IYD: variants seen among roughly 807,000 people sequenced by gnomAD.
IYD encodes the protein iodotyrosine deiodinase 1.
Under a neutral mutation model 28.4 loss-of-function variants are expected in IYD, and 25 were observed. That is an observed-to-expected ratio of 0.88 (90% CI 0.64 to 1.23). IYD has a LOEUF of 1.23. IYD is among the 50% of genes most tolerant of loss of function. IYD has a pLI of 0.00. For missense variants in IYD, 352 were observed against 357.9 expected, an observed-to-expected ratio of 0.98 and a Z score of 0.13; for synonymous variants, 140 against 130.8, an observed-to-expected ratio of 1.07 and a Z score of -0.48.
At chr6:150,390,747 G>A (rs1474238266) in intron 2 of IYD, among the ~76,000 whole-genome samples, 1 of 152,162 alleles carries the variant, frequency 6.6e-6, no homozygotes, top group Non-Finnish European at 1.5e-5. Flanking sequence ...AGGGTTGAGG[G>A]ACGACACCCA....
rs193056126 is a variant in IYD, at chr6:150,377,593, C to G, written c.178+8384C>G. Among the ~76,000 whole-genome samples, 12 of 152,320 alleles carry G rather than the reference C, an allele frequency of 7.9e-5. No homozygotes were observed. In the East Asian group the frequency reaches 1.2e-3, roughly 15 times the overall value. On this transcript the variant is annotated intron_variant, in intron 1 of 4. Coordinates refer to ENST00000344419, the MANE Select transcript of IYD (RefSeq NM_203395.3). ...ATGGTTAGCACTGATAATGAGGTAA[C>G]AGTTTGCTTCCTTCTGCTAATTAGG...
At chr6:150,375,252 T>C (rs1777403992) in intron 1 of IYD, among the ~76,000 whole-genome samples, 2 of 152,196 alleles carry the variant, frequency 1.3e-5, no homozygotes, top group South Asian at 4.2e-4. Flanking sequence ...CCTGAGGAGT[T>C]TGGAGCTAGG....
intron 4 of IYD, chr6:150,395,274 G>A (rs914280485): frequency 4.3e-6 from 3 of 694,246 alleles, no homozygotes; most frequent in African/African-American, 1.8e-5. Context: ...ATAAGAGCAA[G>A]TAACCATACT....
intron 1 of IYD, among the ~76,000 whole-genome samples, chr6:150,388,744 C>T (rs1224582652): frequency 6.8e-6 from 1 of 148,138 alleles, no homozygotes; most frequent in Non-Finnish European, 1.5e-5. Context: ...CTCTGTCACC[C>T]AGGCTGGAGT....
rs1008982191 is a variant in IYD at position 150,404,049 on chromosome 6, C to G, written c.*5812C>G. On this transcript the variant is annotated 3_prime_UTR_variant, in exon 5 of 5. Coordinates refer to ENST00000344419, the MANE Select transcript of IYD (RefSeq NM_203395.3). ...TGGGAGCCTCCTGTTCCCATAGTAA[C>G]CACAGCACTCAGGGCACTGTCTCCC... 1 of 152,214 alleles carries G rather than the reference C, an allele frequency of 6.6e-6. No homozygotes were observed. Among genetic ancestry groups the G allele is most frequent in the Non-Finnish European group, 1.5e-5 (1 of 68,038 alleles). The allele number at this position is 152,214 out of a possible 1,614,324, so 9.4% of individuals were successfully genotyped here.
rs60286185 is a variant in IYD, at chr6:150,398,606, C to T, written c.*369C>T. On this transcript the variant is annotated 3_prime_UTR_variant, in exon 5 of 5. Coordinates refer to ENST00000344419, the MANE Select transcript of IYD (RefSeq NM_203395.3). ...CCAAGAATTCAGCTACATGATGACT[C>T]GAATTTAAATTTAGATTAATCAAAT... 0.16 allele frequency: 29,002 copies of T among 180,304 alleles called. 2,547 individuals are homozygous for T. The highest frequency in any genetic ancestry group is 0.22 in the East Asian group (1,481 of 6,692). The allele number at this position is 180,304 out of a possible 1,614,324, so 11.2% of individuals were successfully genotyped here.
chr6:150,396,398 T>C, intron 4 of IYD: 1 of 642,934 alleles, frequency 1.6e-6, no homozygotes, highest in Non-Finnish European at 2.7e-6. Flanking sequence ...AAAGATAAAA[T>C]AATAATAGAA....
intron 1 of IYD, among the ~76,000 whole-genome samples, chr6:150,381,664 A>G (rs1005338517): frequency 6.6e-6 from 1 of 152,174 alleles, no homozygotes; most frequent in Non-Finnish European, 1.5e-5. Context: ...GAATTTTATG[A>G]AAATTATTTC....
rs529565369 is a variant in IYD, at chr6:150,369,090, T to A, written c.59T>A (p.Phe20Tyr). The A allele has an allele frequency of 1.9e-6, 3 of 1,613,126 alleles. No homozygotes were observed. The South Asian group carries it at 3.3e-5, about 18-fold the overall frequency. ...CTCTGCATTTTGGTTGTGTGGATCTTTAAAAATGCCGACAGAAGCATGGAG... is the reference window on the plus strand; with the variant it reads ...CTCTGCATTTTGGTTGTGTGGATCTATAAAAATGCCGACAGAAGCATGGAG... Reference protein sequence around the residue: ...AILCILVVWIFKNADRSMEKK... With the variant: ...AILCILVVWIYKNADRSMEKK... The change falls in exon 1 of 5, where the codon TTT becomes TAT. Residue 20 changes from phenylalanine to tyrosine, a missense_variant. By Grantham distance (22) the Phe-to-Tyr change is conservative. Coordinates refer to ENST00000344419, the MANE Select transcript of IYD (RefSeq NM_203395.3).
At chr6:150,376,370 A>G (rs746606823) in intron 1 of IYD, among the ~76,000 whole-genome samples, 64 of 152,234 alleles carry the variant, frequency 4.2e-4, no homozygotes, top group Non-Finnish European at 7.9e-4. Flanking sequence ...AGATGCTTAT[A>G]TATCCTTCTT....
At chr6:150,393,949 A>G in intron 3 of IYD, 150 bp from the exon 4 acceptor site, 1 of 764,848 alleles carries the variant, frequency 1.3e-6, no homozygotes. Flanking sequence ...AAAAAGTGGA[A>G]TGAGACAAAA....
chr6:150,399,680 A>T lies in IYD; in HGVS notation c.*1443A>T, dbSNP rs1778448529. 6.6e-6 allele frequency: 1 copy of T among 152,176 alleles called. No individual in the cohort carries two copies. The highest frequency in any genetic ancestry group is 2.4e-5 in the African/African-American group (1 of 41,410). The allele number at this position is 152,176 out of a possible 1,614,324, so 9.4% of individuals were successfully genotyped here. ...GATAAACAACAGAAATTTGTTTCTC[A>T]CAGTTCTGGAGGCTGGAAGTCCAAG... On this transcript the variant is annotated 3_prime_UTR_variant, in exon 5 of 5. Transcript: ENST00000344419.
rs956440 is a variant in IYD at position 150,404,142 on chromosome 6, A to G, written c.*5905A>G. 0.22 allele frequency: 33,871 copies of G among 152,050 alleles called. 3,958 individuals carry two copies. Among genetic ancestry groups the G allele is most frequent in the Middle Eastern group, 0.29 (86 of 294 alleles). The allele number at this position is 152,050 out of a possible 1,614,324, so 9.4% of individuals were successfully genotyped here. A position where few individuals can be genotyped will look rare whatever the true frequency, so the allele number is the denominator to read the frequency against. ...TCTGCTCATCTGAGTTGTCCACCATATTGTGGGCATGAGTCCTTGACAATA... is the reference window on the plus strand; with the variant it reads ...TCTGCTCATCTGAGTTGTCCACCATGTTGTGGGCATGAGTCCTTGACAATA... On this transcript the variant is annotated 3_prime_UTR_variant, in exon 5 of 5. Coordinates refer to ENST00000344419, the MANE Select transcript of IYD (RefSeq NM_203395.3).
At chr6:150,371,536 G>A (rs1387302034) in intron 1 of IYD, among the ~76,000 whole-genome samples, 1 of 152,192 alleles carries the variant, frequency 6.6e-6, no homozygotes, top group East Asian at 1.9e-4. Context: ...GGCTGTTGAG[G>A]GTCAGGTCCT....
chr6:150,389,303 A>T, intron 1 of IYD, 49 bp from the exon 2 acceptor site: 4 of 1,470,268 alleles, frequency 2.7e-6, no homozygotes, highest in Non-Finnish European at 3.8e-6. Context: ...CGGTCACCTT[A>T]TGACCAAGGG....
intron 4 of IYD, chr6:150,395,632 G>A (rs1480201824): frequency 2.4e-5 from 31 of 1,267,796 alleles, no homozygotes; most frequent in Non-Finnish European, 3.3e-5. Flanking sequence ...GCTTTCATAA[G>A]GCATAATCCC....
chr6:150,388,615 T>C (rs764315818), intron 1 of IYD, among the ~76,000 whole-genome samples: 6 of 148,536 alleles, frequency 4.0e-5, no homozygotes, highest in Non-Finnish European at 9.0e-5. Context: ...TCTAGATTTA[T>C]AGTCTGGAGT....
Position 150,374,925 on chromosome 6 carries a change from G to C in IYD, c.178+5716G>C, listed in dbSNP as rs186950851. Among the ~76,000 whole-genome samples, 22 of 152,270 alleles carry C rather than the reference G, an allele frequency of 1.4e-4. No homozygotes were observed. The East Asian group carries it at 3.5e-3, about 24-fold the overall frequency. On this transcript the variant is annotated intron_variant, in intron 1 of 4. Transcript: ENST00000344419. ...CCTGCTTCAGGAAAGAAGGGCAGTG[G>C]AAGGTCAGAAAGCCCTTTTTGCTCT... is the stretch of plus-strand genomic sequence containing the variant.
intron 1 of IYD, chr6:150,370,653 G>A (rs1186964492): frequency 3.0e-6 from 3 of 985,416 alleles, no homozygotes; most frequent in Middle Eastern, 5.2e-4. Context: ...GGGAACATCT[G>A]CTGTGAAGCT....
Sources: allele counts gnomAD v4.1 joint callset (sites outside exome capture counted in the v4.1 genomes callset), GRCh38; gene constraint gnomAD v4.1.1; transcripts MANE v1.5; gene names NCBI Gene and HGNC (gene_info 2026-07-23, HGNC 2026-07-21).